Variants in ZNRF1 observed in about 807,000 individuals in gnomAD.
ZNRF1 encodes the protein zinc and ring finger 1.
Under a neutral mutation model 18.4 loss-of-function variants are expected in ZNRF1, and 3 were observed. The observed-to-expected ratio is 0.16, with a 90% CI of 0.07 to 0.42. The LOEUF is 0.42. Ranked by LOEUF, ZNRF1 falls within the 10% of genes least tolerant of loss-of-function variation. The probability of loss-of-function intolerance (pLI) is 0.99; values close to 1 mark genes in which losing one functional copy is unlikely to be tolerated. For synonymous variants in ZNRF1, 157 were observed against 144.2 expected (o/e 1.09, Z -0.64); for missense variants, 310 against 329.8 (o/e 0.94, Z 0.47).
intron 1 of ZNRF1, among the ~76,000 whole-genome samples, chr16:75,051,113 C>T (rs2035596957): frequency 6.6e-6 from 1 of 151,934 alleles, no homozygotes; most frequent in African/African-American, 2.4e-5. Context: ...AGGCAGTAGG[C>T]CCACTTGAGC....
chr16:75,038,693 G>GT (rs1351137872), intron 1 of ZNRF1, among the ~76,000 whole-genome samples: 21 of 152,310 alleles, frequency 1.4e-4, no homozygotes, highest in African/African-American at 4.8e-4. Flanking sequence ...TGAAGAAACA[G>GT]TAAGATGCTC....
At chr16:75,062,237 A>G (rs947692358) in intron 1 of ZNRF1, among the ~76,000 whole-genome samples, 2 of 152,198 alleles carry the variant, frequency 1.3e-5, no homozygotes, top group African/African-American at 4.8e-5. Flanking sequence ...TCAGAAGGGA[A>G]TGCCTGGTCG....
chr16:75,035,355 AAG>A (rs2035364547), intron 1 of ZNRF1, among the ~76,000 whole-genome samples: 1 of 152,176 alleles, frequency 6.6e-6, no homozygotes, highest in East Asian at 1.9e-4. Flanking sequence ...TTCTTATAGA[AAG>A]TATACATTTG....
At chr16:75,037,169 G>A (rs1261496665) in intron 1 of ZNRF1, among the ~76,000 whole-genome samples, 1 of 152,160 alleles carries the variant, frequency 6.6e-6, no homozygotes, top group Non-Finnish European at 1.5e-5. Flanking sequence ...GGATGATACT[G>A]TTGAGATCTG....
rs549948688 is a variant in ZNRF1 at position 75,106,260 on chromosome 16, C to T, written c.627-222C>T. 1.2e-4 allele frequency: 68 copies of T among 559,618 alleles called. No individual in the cohort carries two copies. In the East Asian group the frequency reaches 2.1e-3, roughly 17 times the overall value. 34.7% of individuals were successfully genotyped at this position (559,618 alleles called of 1,614,324 possible). A position where few individuals can be genotyped will look rare whatever the true frequency, so the allele number is the denominator to read the frequency against. ...TCCTGCAGCACCAGATCCCCCTGAG[C>T]CGGTACTGCTGCCTCCACCTGGGCC... On this transcript the variant is annotated intron_variant, in intron 3 of 4. Coordinates refer to ENST00000335325, the MANE Select transcript of ZNRF1 (RefSeq NM_032268.5).
intron 1 of ZNRF1, among the ~76,000 whole-genome samples, chr16:75,001,939 G>C (rs1172661074): frequency 6.6e-6 from 1 of 152,160 alleles, no homozygotes; most frequent in Non-Finnish European, 1.5e-5. Context: ...GGGACAGGAA[G>C]GTTGGAGCAT....
chr16:75,049,351 C>T (rs923049325), intron 1 of ZNRF1, among the ~76,000 whole-genome samples: 8 of 151,788 alleles, frequency 5.3e-5, no homozygotes, highest in African/African-American at 1.7e-4. Context: ...TTTTTTAGAC[C>T]AGGTCTCGCT....
chr16:75,053,448 G>C (rs995437315), intron 1 of ZNRF1, among the ~76,000 whole-genome samples: 29 of 152,142 alleles, frequency 1.9e-4, no homozygotes, highest in African/African-American at 6.5e-4. Context: ...AATTAGCCAG[G>C]CCTGGTGGCA....
chr16:75,060,473 CTTTTTTTTTTT>C (rs34182819), intron 1 of ZNRF1, among the ~76,000 whole-genome samples: 18 of 70,256 alleles, frequency 2.6e-4, no homozygotes, highest in Non-Finnish European at 4.1e-4. Flanking sequence ...CTCAGAAAAT[CTTTTTTTTTTT>C]TTTTTTTTTT....
Position 75,000,352 on chromosome 16 carries a change from A to G in ZNRF1, c.424+257A>G, listed in dbSNP as rs1200710847. 3 of 668,408 alleles carry G rather than the reference A, an allele frequency of 4.5e-6. No homozygotes were observed. In the Admixed American group the frequency reaches 6.2e-5, roughly 14 times the overall value. 41.4% of individuals were successfully genotyped at this position (668,408 alleles called of 1,614,324 possible). ...GGGCAGAGCGAAGCCTACCTATTGG[A>G]GTTCCATTTATTGGCATCACCCTCC... On this transcript the variant is annotated intron_variant, in intron 1 of 4. Coordinates refer to ENST00000335325, the MANE Select transcript of ZNRF1 (RefSeq NM_032268.5).
rs374451771 is a variant in ZNRF1, at chr16:75,073,118, A to ATCTC, written c.425-20422_425-20419dup. 6.6e-3 allele frequency among the ~76,000 whole-genome samples: 852 copies of ATCTC among 128,434 alleles called. 12 individuals are homozygous for ATCTC. Among genetic ancestry groups the ATCTC allele is most frequent in the African/African-American group, 0.023 (767 of 33,246 alleles). 84.3% of individuals were successfully genotyped at this position (128,434 alleles called of 152,430 possible). A position where few individuals can be genotyped will look rare whatever the true frequency, so the allele number is the denominator to read the frequency against. On this transcript the variant is annotated intron_variant, in intron 1 of 4. Coordinates refer to ENST00000335325, the MANE Select transcript of ZNRF1 (RefSeq NM_032268.5). The stretch of plus-strand genomic sequence containing the variant: ...AACCTGGGTAACATAGTGAGACCCC[A>ATCTC]TCTCTCTCTCTCTCTCTCTCTCTCT...
At position 75,109,803 on chromosome 16, in the gene ZNRF1, T is replaced by C. The variant is rs887774596; in HGVS notation, c.*2103T>C. 1.3e-5 allele frequency: 2 copies of C among 152,274 alleles called. No individual in the cohort carries two copies. Among genetic ancestry groups the C allele is most frequent in the Admixed American group, 6.5e-5 (1 of 15,288 alleles). 9.4% of individuals were successfully genotyped at this position (152,274 alleles called of 1,614,324 possible). ...GCTGGGGGAGCTGCCCTGCAGGTCT[T>C]GGCACATGCACAGCAGGCTCCCCAT... On this transcript the variant is annotated 3_prime_UTR_variant, in exon 5 of 5. Coordinates refer to ENST00000335325, the MANE Select transcript of ZNRF1 (RefSeq NM_032268.5).
Position 75,040,042 on chromosome 16 carries a change from C to CTTTTTTTTTTTTTTTTTTTTTTTTTT in ZNRF1, c.424+39948_424+39973dup, listed in dbSNP as rs57122648. On this transcript the variant is annotated intron_variant, in intron 1 of 4. Coordinates refer to ENST00000335325, the MANE Select transcript of ZNRF1 (RefSeq NM_032268.5). The stretch of plus-strand genomic sequence containing the variant: ...AATCTTTTGTTTCTTTCTTTTCTTT[C>CTTTTTTTTTTTTTTTTTTTTTTTTTT]TTTTTTTTTTTTTTTTTTTTTTTTT... Among the ~76,000 whole-genome samples, 4 of 78,890 alleles carry CTTTTTTTTTTTTTTTTTTTTTTTTTT rather than the reference C, an allele frequency of 5.1e-5. 1 individual carries two copies. The highest frequency in any genetic ancestry group is 2.2e-4 in the African/African-American group (4 of 18,124). The allele number at this position is 78,890 out of a possible 152,430, so 51.8% of individuals were successfully genotyped here.
At chr16:75,061,158 C>G (rs558555407) in intron 1 of ZNRF1, among the ~76,000 whole-genome samples, 1 of 152,108 alleles carries the variant, frequency 6.6e-6, no homozygotes, top group Non-Finnish European at 1.5e-5. Context: ...GAGTTACACA[C>G]GAAACAATTA....
Position 75,109,588 on chromosome 16 carries a change from A to C in ZNRF1, c.*1888A>C, listed in dbSNP as rs2036357743. ...CTCGGTGGTTCAGAGCCTGGGTCTCAGCGCGGGACCCGTCTGGGGTGAAGA... is the reference window on the plus strand; with the variant it reads ...CTCGGTGGTTCAGAGCCTGGGTCTCCGCGCGGGACCCGTCTGGGGTGAAGA... On this transcript the variant is annotated 3_prime_UTR_variant, in exon 5 of 5. Coordinates refer to ENST00000335325, the MANE Select transcript of ZNRF1 (RefSeq NM_032268.5). 1 of 152,844 alleles carries C rather than the reference A, an allele frequency of 6.5e-6. No individual in the cohort carries two copies. The highest frequency in any genetic ancestry group is 6.5e-5 in the Admixed American group (1 of 15,286). 9.5% of individuals were successfully genotyped at this position (152,844 alleles called of 1,614,324 possible).
At chr16:75,016,791 T>A (rs2035078437) in intron 1 of ZNRF1, among the ~76,000 whole-genome samples, 1 of 144,366 alleles carries the variant, frequency 6.9e-6, no homozygotes, top group Non-Finnish European at 1.5e-5. Context: ...GTGATTCACC[T>A]GCCTCGGCCT....
intron 1 of ZNRF1, among the ~76,000 whole-genome samples, chr16:75,042,123 G>C (rs1243827492): frequency 6.6e-6 from 1 of 152,178 alleles, no homozygotes; most frequent in Non-Finnish European, 1.5e-5. Context: ...TGAGTTGTAA[G>C]AGTTTATGTA....
At chr16:75,007,423 C>G (rs895759929) in intron 1 of ZNRF1, among the ~76,000 whole-genome samples, 1 of 152,276 alleles carries the variant, frequency 6.6e-6, no homozygotes, top group Middle Eastern at 3.4e-3. Flanking sequence ...CTTGAGACCT[C>G]CCTAGAGTCG....
chr16:75,079,334 G>T (rs567208321), intron 1 of ZNRF1, among the ~76,000 whole-genome samples: 7 of 152,114 alleles, frequency 4.6e-5, no homozygotes, highest in African/African-American at 1.7e-4. Flanking sequence ...ACAAAAATTC[G>T]CTGGGCATGG....
Sources: allele counts gnomAD v4.1 joint callset (sites outside exome capture counted in the v4.1 genomes callset), GRCh38; gene constraint gnomAD v4.1.1; transcripts MANE v1.5; gene names NCBI Gene and HGNC (gene_info 2026-07-23, HGNC 2026-07-21).